Variants in PRKCB observed in about 807,000 individuals in gnomAD.
PRKCB encodes the protein protein kinase C beta type.
Under a neutral mutation model 81.5 loss-of-function variants are expected in PRKCB, and 13 were observed. That is an observed-to-expected ratio of 0.16 (90% confidence interval 0.10 to 0.25). PRKCB has a LOEUF of 0.25. Among genes scored for constraint, PRKCB ranks in the 10% least tolerant of loss-of-function variants. PRKCB has a pLI of 1.00. For synonymous variants in PRKCB, 335 were observed against 321.4 expected (o/e 1.04, Z -0.45); for missense variants, 509 against 875.7 (o/e 0.58, Z 5.29).
At chr16:24,164,136 A>G (rs1015765368) in intron 10 of PRKCB, among the ~76,000 whole-genome samples, 1 of 152,174 alleles carries the variant, frequency 6.6e-6, no homozygotes, top group Non-Finnish European at 1.5e-5. Context: ...TATCTGATTA[A>G]AAGTGGCAAG....
chr16:23,979,288 A>T (rs577240199), intron 2 of PRKCB, among the ~76,000 whole-genome samples: 4 of 152,206 alleles, frequency 2.6e-5, no homozygotes, highest in Admixed American at 6.5e-5. Context: ...TAGAGCTTGT[A>T]CCATGAATCC....
intron 3 of PRKCB, among the ~76,000 whole-genome samples, chr16:24,020,418 A>G (rs1396179565): frequency 1.5e-4 from 23 of 152,228 alleles, no homozygotes; most frequent in Non-Finnish European, 1.5e-5. Flanking sequence ...CACCTACCTA[A>G]TACTGTTACA....
At chr16:23,912,892 A>G in intron 2 of PRKCB, among the ~76,000 whole-genome samples, 1 of 150,834 alleles carries the variant, frequency 6.6e-6, no homozygotes, top group East Asian at 2.0e-4. Flanking sequence ...TGGTGCAATC[A>G]AAGCTCACTG....
intron 9 of PRKCB, among the ~76,000 whole-genome samples, chr16:24,143,843 T>A (rs1449025768): frequency 1.3e-5 from 2 of 152,214 alleles, no homozygotes; most frequent in African/African-American, 4.8e-5. Context: ...AATCACTGTT[T>A]GTTAGTCAAG....
chr16:24,152,842 G>A (rs1967099676), intron 9 of PRKCB, among the ~76,000 whole-genome samples: 1 of 138,788 alleles, frequency 7.2e-6, no homozygotes, highest in Non-Finnish European at 1.6e-5. Context: ...CAGACTGGCA[G>A]CTTTTCTTTT....
At chr16:24,209,841 C>G (rs746863427) in intron 16 of PRKCB, among the ~76,000 whole-genome samples, 1 of 152,022 alleles carries the variant, frequency 6.6e-6, no homozygotes, top group Non-Finnish European at 1.5e-5. Flanking sequence ...TGGTGGCTGA[C>G]ACCTGGAATT....
Position 24,215,836 on chromosome 16 carries a change from T to C in PRKCB, c.*1020T>C. ...AGGTTTGTTACTGGCTTCAGAAAGCTAATTAAGTGCTCTGAAAAAGACACC... is the reference window on the plus strand; with the variant it reads ...AGGTTTGTTACTGGCTTCAGAAAGCCAATTAAGTGCTCTGAAAAAGACACC... On this transcript the variant is annotated 3_prime_UTR_variant, in exon 17 of 17. Transcript: ENST00000643927. 1 of 985,666 alleles carries C rather than the reference T, an allele frequency of 1.0e-6. No homozygotes were observed. Among genetic ancestry groups the C allele is most frequent in the Non-Finnish European group, 1.2e-6 (1 of 829,900 alleles). The allele number at this position is 985,666 out of a possible 1,614,324, so 61.1% of individuals were successfully genotyped here.
chr16:23,861,733 G>A (rs1962668419), intron 2 of PRKCB, among the ~76,000 whole-genome samples: 1 of 152,200 alleles, frequency 6.6e-6, no homozygotes, highest in African/African-American at 2.4e-5. Flanking sequence ...ACATTTGCAT[G>A]TGGTGCTTGG....
At chr16:24,190,972 T>C in intron 15 of PRKCB, 118 bp from the exon 16 acceptor site, 2 of 1,291,708 alleles carry the variant, frequency 1.5e-6, no homozygotes, top group South Asian at 3.2e-5. Flanking sequence ...AAAACAAAAA[T>C]GAGTTGAGAT....
intron 2 of PRKCB, among the ~76,000 whole-genome samples, chr16:23,841,343 G>A (rs574141494): frequency 4.9e-4 from 74 of 152,250 alleles, no homozygotes; most frequent in African/African-American, 1.7e-3. Context: ...GACTCCCAAA[G>A]TGTTCAGATT....
At chr16:24,175,592 A>G (rs1029425743) in intron 12 of PRKCB, among the ~76,000 whole-genome samples, 6 of 151,830 alleles carry the variant, frequency 4.0e-5, no homozygotes, top group African/African-American at 1.5e-4. Flanking sequence ...CTCATTCTGT[A>G]GAGAGCATGA....
At chr16:24,185,431 T>TTCTCC (rs1967688633) in intron 14 of PRKCB, 29 bp from the exon 15 acceptor site, 1 of 1,592,954 alleles carries the variant, frequency 6.3e-7, no homozygotes, top group Non-Finnish European at 8.6e-7. Context: ...GCAGGGATTC[T>TTCTCC]TCTCCTCCCA....
intron 3 of PRKCB, among the ~76,000 whole-genome samples, chr16:24,020,955 C>G (rs1333544909): frequency 7.3e-6 from 1 of 137,126 alleles, no homozygotes; most frequent in Non-Finnish European, 1.6e-5. Context: ...ACAGCCCATT[C>G]AGACTGAGAG....
chr16:24,020,672 C>T (rs1284353203), intron 3 of PRKCB, among the ~76,000 whole-genome samples: 1 of 152,222 alleles, frequency 6.6e-6, no homozygotes, highest in Non-Finnish European at 1.5e-5. Context: ...GGAGCCTGCG[C>T]TTGTTAATTT....
intron 9 of PRKCB, among the ~76,000 whole-genome samples, chr16:24,129,701 G>T (rs970716430): frequency 7.3e-6 from 1 of 137,912 alleles, no homozygotes; most frequent in African/African-American, 2.9e-5. Flanking sequence ...TCTATCATCT[G>T]TCTACGTATC....
intron 16 of PRKCB, among the ~76,000 whole-genome samples, chr16:24,209,652 G>A (rs753828350): frequency 5.3e-5 from 8 of 151,902 alleles, no homozygotes; most frequent in Non-Finnish European, 8.8e-5. Flanking sequence ...CCCCACATCC[G>A]AATGCATCTT....
intron 1 of PRKCB, among the ~76,000 whole-genome samples, chr16:23,836,769 G>GGGGC (rs1046567792): frequency 2.1e-4 from 2 of 9,358 alleles, no homozygotes; most frequent in Non-Finnish European, 4.4e-4. Flanking sequence ...CCTTGTTTCC[G>GGGGC]GGGGGGGCGG....
rs1006494163 is a variant in PRKCB, at chr16:24,168,872, TA to T, written c.1240-3397del. 1.1e-4 allele frequency among the ~76,000 whole-genome samples: 17 copies of T among 151,942 alleles called. 1 individual carries two copies. The highest frequency in any genetic ancestry group is 6.8e-3 in the Middle Eastern group (2 of 294). On this transcript the variant is annotated intron_variant, in intron 10 of 16. Coordinates refer to ENST00000643927, the MANE Select transcript of PRKCB (RefSeq NM_002738.7). The stretch of plus-strand genomic sequence containing the variant: ...ACCATGCCTGACCTCTTTTTTCTAT[TA>T]TTTTTTTTTAAGTTGATCATGACCC...
intron 10 of PRKCB, among the ~76,000 whole-genome samples, chr16:24,157,436 C>G (rs1454633038): frequency 1.3e-5 from 2 of 151,816 alleles, no homozygotes; most frequent in Non-Finnish European, 2.9e-5. Context: ...TTAAGAGGGA[C>G]TTTTACCCCA....
Sources: allele counts gnomAD v4.1 joint callset (sites outside exome capture counted in the v4.1 genomes callset), GRCh38; gene constraint gnomAD v4.1.1; transcripts MANE v1.5; gene names NCBI Gene and HGNC (gene_info 2026-07-23, HGNC 2026-07-21).